GNAQ: variants seen among roughly 807,000 people sequenced by gnomAD.
GNAQ encodes guanine nucleotide-binding protein G(q) subunit alpha.
GNAQ carries 8 observed loss-of-function variants against 43.9 expected under a neutral mutation model. The ratio of observed to expected loss-of-function variants is 0.18; its 90% CI spans 0.11 to 0.33. GNAQ has a LOEUF of 0.33. GNAQ is among the 10% of genes least tolerant of loss of function. The probability of loss-of-function intolerance (pLI) is 1.00; values close to 1 mark genes in which losing one functional copy is unlikely to be tolerated. For missense variants in GNAQ, 158 were observed against 450.8 expected (o/e 0.35, Z 5.88); for synonymous variants, 155 against 170.7 (o/e 0.91, Z 0.71).
intron 6 of GNAQ, among the ~76,000 whole-genome samples, chr9:77,726,690 A>G (rs1397000656): frequency 6.6e-6 from 1 of 152,232 alleles, no homozygotes; most frequent in African/African-American, 2.4e-5. Context: ...TCTTGTTGTT[A>G]TATCACCTCT....
At chr9:77,797,744 G>A (rs2118457771) in intron 3 of GNAQ, 96 bp from the exon 4 acceptor site, 2 of 1,058,074 alleles carry the variant, frequency 1.9e-6, no homozygotes, top group South Asian at 3.0e-5. Context: ...TAACAGAGAA[G>A]TAAAGAAGAG....
At chr9:77,797,049 T>C (rs1373826961) in intron 4 of GNAQ, among the ~76,000 whole-genome samples, 1 of 152,208 alleles carries the variant, frequency 6.6e-6, no homozygotes, top group Non-Finnish European at 1.5e-5. Context: ...TTGTTTTTTT[T>C]TGAGATGGAG....
intron 1 of GNAQ, among the ~76,000 whole-genome samples, chr9:77,927,334 C>T (rs866726503): frequency 6.6e-6 from 1 of 152,280 alleles, no homozygotes; most frequent in Middle Eastern, 3.4e-3. Flanking sequence ...TGAAAGCAAT[C>T]GTGGACTCAT....
At chr9:77,885,187 T>G (rs1313868722) in intron 2 of GNAQ, among the ~76,000 whole-genome samples, 2 of 152,124 alleles carry the variant, frequency 1.3e-5, no homozygotes, top group African/African-American at 2.4e-5. Context: ...CCCAAAGTTG[T>G]GGTCTTTTTT....
At chr9:77,984,919 A>T (rs1823414679) in intron 1 of GNAQ, among the ~76,000 whole-genome samples, 1 of 152,184 alleles carries the variant, frequency 6.6e-6, no homozygotes, top group Non-Finnish European at 1.5e-5. Flanking sequence ...AGAATTACAA[A>T]ATCAAAATGG....
intron 1 of GNAQ, among the ~76,000 whole-genome samples, chr9:78,023,637 T>C (rs999400921): frequency 6.8e-6 from 1 of 147,788 alleles, no homozygotes; most frequent in Non-Finnish European, 1.5e-5. Flanking sequence ...TAAAAGAAAA[T>C]GTAGGAAAGA....
intron 2 of GNAQ, among the ~76,000 whole-genome samples, chr9:77,827,983 C>T (rs1827229032): frequency 7.1e-6 from 1 of 139,928 alleles, no homozygotes. Flanking sequence ...TGGCGTGAAC[C>T]CGGGAGGCAG....
intron 2 of GNAQ, among the ~76,000 whole-genome samples, chr9:77,889,230 T>G (rs371770825): frequency 6.6e-6 from 1 of 151,130 alleles, no homozygotes; most frequent in African/African-American, 2.4e-5. Context: ...CTAAGCAACA[T>G]GGCAAAATCC....
Position 77,814,891 on chromosome 9 carries a change from T to C in GNAQ, c.476+725A>G, listed in dbSNP as rs1222439012. Among the ~76,000 whole-genome samples the C allele has an allele frequency of 2.0e-5, 3 of 152,236 alleles. No homozygotes were observed. The East Asian group carries it at 5.8e-4, about 29-fold the overall frequency. The stretch of plus-strand genomic sequence containing the variant: ...CTCACTATTCAGGTGCCTGGTTATC[T>C]ACATTGCTGACTACATTGATCACAT... On this transcript the variant is annotated intron_variant, in intron 3 of 6. Coordinates refer to ENST00000286548, the MANE Select transcript of GNAQ (RefSeq NM_002072.5).
At chr9:77,867,535 A>G (rs115793739) in intron 2 of GNAQ, among the ~76,000 whole-genome samples, 2,610 of 152,316 alleles carry the variant, frequency 0.017, 66 homozygotes, top group African/African-American at 0.059. Flanking sequence ...TTTGCAGTCA[A>G]ATCATAATTT....
chr9:77,755,016 T>G (rs1258145984), intron 5 of GNAQ, among the ~76,000 whole-genome samples: 2 of 152,212 alleles, frequency 1.3e-5, no homozygotes, highest in Non-Finnish European at 2.9e-5. Flanking sequence ...AAAGAAAATG[T>G]GATACATATA....
chr9:77,960,877 TACTA>T (rs1388492298), intron 1 of GNAQ, among the ~76,000 whole-genome samples: 1 of 152,128 alleles, frequency 6.6e-6, no homozygotes, highest in Non-Finnish European at 1.5e-5. Flanking sequence ...TAAAATGAAA[TACTA>T]ACGAGCACAG....
At chr9:77,885,467 G>A (rs1271960351) in intron 2 of GNAQ, among the ~76,000 whole-genome samples, 4 of 152,114 alleles carry the variant, frequency 2.6e-5, no homozygotes, top group African/African-American at 7.2e-5. Context: ...CAACAGGGTC[G>A]GCCCTGTCCA....
chr9:77,992,874 G>A (rs568429344), intron 1 of GNAQ, among the ~76,000 whole-genome samples: 33 of 152,220 alleles, frequency 2.2e-4, no homozygotes, highest in Admixed American at 2.0e-3. Context: ...GAACCCGGGA[G>A]GTGGAGGTTG....
chr9:77,844,821 T>C (rs1827552303), intron 2 of GNAQ, among the ~76,000 whole-genome samples: 1 of 150,912 alleles, frequency 6.6e-6, no homozygotes, highest in Non-Finnish European at 1.5e-5. Context: ...TACAGGTGCC[T>C]GCCACCATGC....
At chr9:77,895,386 G>T (rs1828482979) in intron 2 of GNAQ, among the ~76,000 whole-genome samples, 1 of 152,162 alleles carries the variant, frequency 6.6e-6, no homozygotes, top group Non-Finnish European at 1.5e-5. Flanking sequence ...ATCACAGCTA[G>T]TAAGTGGTGG....
At chr9:77,742,281 G>A (rs1015165732) in intron 5 of GNAQ, among the ~76,000 whole-genome samples, 2 of 152,036 alleles carry the variant, frequency 1.3e-5, no homozygotes, top group Admixed American at 6.6e-5. Flanking sequence ...CTTTTTAAAC[G>A]CAGCATTCCA....
chr9:77,999,092 C>CAAAAAAAA (rs56358201), intron 1 of GNAQ, among the ~76,000 whole-genome samples: 2 of 52,574 alleles, frequency 3.8e-5, no homozygotes, highest in African/African-American at 2.1e-4. Context: ...AACTCTGTCT[C>CAAAAAAAA]AAAAAAAAAA....
intron 5 of GNAQ, among the ~76,000 whole-genome samples, chr9:77,748,026 G>T (rs920782391): frequency 6.6e-6 from 1 of 152,188 alleles, no homozygotes; most frequent in African/African-American, 2.4e-5. Context: ...ATAGAGAGGG[G>T]TGGTCAGGAG....
Sources: allele counts gnomAD v4.1 joint callset (sites outside exome capture counted in the v4.1 genomes callset), GRCh38; gene constraint gnomAD v4.1.1; transcripts MANE v1.5; gene names NCBI Gene and HGNC (gene_info 2026-07-23, HGNC 2026-07-21).